Variants in ARID2 observed in about 807,000 individuals in gnomAD.
The protein encoded by ARID2 is AT-rich interaction domain 2.
Under a neutral mutation model 184.6 loss-of-function variants are expected in ARID2, and 32 were observed. The observed-to-expected ratio is 0.17, with a 90% CI of 0.13 to 0.23. The LOEUF (loss-of-function observed/expected upper bound fraction) is 0.23, where lower values mean the gene tolerates loss of function less well. ARID2 is among the 10% of genes least tolerant of loss of function. ARID2 has a pLI of 1.00. For synonymous variants in ARID2, 836 were observed against 772.6 expected (o/e 1.08, Z -1.36); for missense variants, 1,696 against 2,197.6 (o/e 0.77, Z 4.56).
chr12:45,738,529 A>G (rs963181265), intron 3 of ARID2, among the ~76,000 whole-genome samples: 3 of 152,022 alleles, frequency 2.0e-5, no homozygotes, highest in African/African-American at 7.2e-5. Context: ...AAGCTGGTCT[A>G]CAAACTCCTG....
chr12:45,891,887 G>A lies in ARID2; in HGVS notation c.5030G>A (p.Arg1677Gln), dbSNP rs1944306129. The change falls in exon 17 of 21, where the codon CGA (arginine) becomes CAA (glutamine). Residue 1677 changes from arginine to glutamine, a missense_variant. Physicochemically the swap from Arg to Gln is conservative, Grantham distance 43. This residue lies in a region of ARID2 where 16 missense variants were observed against 50.3 expected (regional missense o/e 0.32). Transcript: ENST00000334344. The stretch of plus-strand genomic sequence containing the variant: ...TGGGAAGGTTGTGAGCCTTTTCAGC[G>A]ACAGCGGTTTTCTTTTATTACCCAC... ...CLWEGCEPFQ[R>Q]QRFSFITHLQ... The A allele has an allele frequency of 1.9e-6, 3 of 1,614,024 alleles. No homozygotes were observed.
rs2138180067 is a variant in ARID2 at position 45,852,610 on chromosome 12, C to G, written c.4487C>G (p.Ser1496Cys). The G allele has an allele frequency of 6.2e-7, 1 of 1,614,198 alleles. No homozygotes were observed. The highest frequency in any genetic ancestry group is 8.5e-7 in the Non-Finnish European group (1 of 1,180,012). ...VPDSGSKVSH[S>C]PALSSDVRST... ...GACTCAGGATCAAAAGTATCCCATT[C>G]TCCTGCCCTATCATCTGACGTTCGG... Residue 1496 changes from serine (S) to cysteine (C), a missense_variant, in exon 15 of 21, where the codon TCT (serine) becomes TGT (cysteine). By Grantham distance (112) the Ser-to-Cys change is moderately radical. Coordinates refer to ENST00000334344, the MANE Select transcript of ARID2 (RefSeq NM_152641.4).
intron 3 of ARID2, among the ~76,000 whole-genome samples, chr12:45,778,236 A>G (rs1942024028): frequency 6.6e-6 from 1 of 152,052 alleles, no homozygotes; most frequent in Admixed American, 6.6e-5. Context: ...AGCCCAGTTT[A>G]TATGTGTTCC....
chr12:45,793,653 A>G (rs1942334068), intron 3 of ARID2, among the ~76,000 whole-genome samples: 1 of 151,646 alleles, frequency 6.6e-6, no homozygotes, highest in African/African-American at 2.4e-5. Flanking sequence ...ATATATATAC[A>G]TATATATCTC....
intron 3 of ARID2, among the ~76,000 whole-genome samples, chr12:45,748,172 G>C (rs1941394244): frequency 6.6e-6 from 1 of 152,138 alleles, no homozygotes. Flanking sequence ...AGACAACCTA[G>C]GCAGTCTCAA....
At chr12:45,821,122 A>G (rs185935735) in intron 5 of ARID2, among the ~76,000 whole-genome samples, 4 of 152,280 alleles carry the variant, frequency 2.6e-5, no homozygotes, top group East Asian at 3.9e-4. Context: ...TTTCTTCTGT[A>G]TAAATGAAAG....
chr12:45,854,604 CT>C (rs1207698566), intron 15 of ARID2, among the ~76,000 whole-genome samples: 5 of 152,008 alleles, frequency 3.3e-5, no homozygotes, highest in African/African-American at 1.2e-4. Context: ...CCCACTTCAC[CT>C]TGATTATGTG....
intron 5 of ARID2, 148 bp from the exon 6 acceptor site, chr12:45,821,272 A>G (rs2138098594): frequency 2.4e-6 from 1 of 421,508 alleles, no homozygotes; most frequent in Non-Finnish European, 4.2e-6. Flanking sequence ...AGAAATTATC[A>G]TGACTATCAT....
At chr12:45,789,086 G>C (rs887938711) in intron 3 of ARID2, 1 of 152,130 alleles carries the variant, frequency 6.6e-6, no homozygotes, top group African/African-American at 2.4e-5. Context: ...CAAAATAGTG[G>C]ATAAGTTTAT....
chr12:45,818,795 T>C (rs1316562793), intron 5 of ARID2, among the ~76,000 whole-genome samples: 5 of 152,156 alleles, frequency 3.3e-5, no homozygotes, highest in African/African-American at 9.6e-5. Context: ...TATTTGGGAT[T>C]ATTTAGGTAG....
rs951767310 is a variant in ARID2, at chr12:45,850,280, C to T, written c.2157C>T (p.Ile719=). ...IPCEVVKATV[I]QNSIPQTGVP... ...GTGAAGTTGTTAAGGCTACAGTTATCCAGAATTCCATACCCCAGACAGGAG... is the reference window on the plus strand; with the variant it reads ...GTGAAGTTGTTAAGGCTACAGTTATTCAGAATTCCATACCCCAGACAGGAG... The change falls in exon 15 of 21, where the codon ATC becomes ATT. Residue 719 remains isoleucine (I), a synonymous_variant. Transcript: ENST00000334344. 1 of 1,614,120 alleles carries T rather than the reference C, an allele frequency of 6.2e-7. No homozygotes were observed. The highest frequency in any genetic ancestry group is 8.5e-7 in the Non-Finnish European group (1 of 1,179,996).
intron 20 of ARID2, among the ~76,000 whole-genome samples, chr12:45,902,333 C>G (rs1944470342): frequency 6.6e-6 from 1 of 151,994 alleles, no homozygotes; most frequent in South Asian, 2.1e-4. Flanking sequence ...TAAAATCATC[C>G]TAGTGATTTC....
intron 3 of ARID2, among the ~76,000 whole-genome samples, chr12:45,800,008 C>T (rs550220019): frequency 6.6e-6 from 1 of 152,156 alleles, no homozygotes; most frequent in South Asian, 2.1e-4. Flanking sequence ...TGCCACCACA[C>T]CTAGCCAATT....
Position 45,795,230 on chromosome 12 carries a change from A to G in ARID2, c.285-16188A>G, listed in dbSNP as rs1047948492. On this transcript the variant is annotated intron_variant, in intron 3 of 20. Transcript: ENST00000334344. ...ATGTGCCAGTATCAAAGTCCCATCT[A>G]GAACATTGACCCTGTAGGGGATCAT... Among the ~76,000 whole-genome samples the G allele has an allele frequency of 3.9e-5, 6 of 152,182 alleles. No homozygotes were observed. The South Asian group carries it at 1.2e-3, about 31-fold the overall frequency.
At chr12:45,846,829 A>T (rs1943452118) in intron 11 of ARID2, 27 bp from the exon 12 acceptor site, 1 of 1,606,976 alleles carries the variant, frequency 6.2e-7, no homozygotes, top group African/African-American at 1.3e-5. Context: ...TTAAGAAATG[A>T]TGTAGCTAAT....
At chr12:45,875,621 T>C (rs970013206) in intron 16 of ARID2, among the ~76,000 whole-genome samples, 1 of 152,256 alleles carries the variant, frequency 6.6e-6, no homozygotes, top group Non-Finnish European at 1.5e-5. Context: ...ATCTGTTGCT[T>C]AGTGTAGCAT....
At chr12:45,822,423 C>T (rs1428419324) in intron 6 of ARID2, among the ~76,000 whole-genome samples, 3 of 152,078 alleles carry the variant, frequency 2.0e-5, no homozygotes, top group African/African-American at 7.2e-5. Context: ...GTAGTCCCAG[C>T]TACTAGGGAG....
intron 3 of ARID2, among the ~76,000 whole-genome samples, chr12:45,794,612 G>T (rs1942354557): frequency 6.6e-6 from 1 of 152,158 alleles, no homozygotes; most frequent in South Asian, 2.1e-4. Flanking sequence ...AGGGCTAATT[G>T]CAGCACCAGG....
intron 16 of ARID2, among the ~76,000 whole-genome samples, chr12:45,884,919 A>G (rs1419637682): frequency 6.6e-6 from 1 of 152,158 alleles, no homozygotes; most frequent in Admixed American, 6.6e-5. Context: ...GTAGCACAGA[A>G]GCTGAGACTG....
Sources: gnomAD v4.1 joint callset for allele counts (sites outside exome capture counted in the v4.1 genomes callset) on GRCh38, gnomAD v4.1.1 for gene constraint, gnomAD v4.1.1 regional missense constraint, MANE v1.5 for transcripts, NCBI Gene and HGNC (gene_info 2026-07-23, HGNC 2026-07-21) for gene names.